Variants in LAMP2 observed in about 807,000 individuals in gnomAD.
LAMP2 encodes lysosome-associated membrane glycoprotein 2.
A neutral mutation model predicts 25.6 loss-of-function variants in LAMP2; 4 were observed. The observed-to-expected ratio is 0.16, with a 90% CI of 0.08 to 0.36. The LOEUF (loss-of-function observed/expected upper bound fraction) is 0.36, where lower values mean the gene tolerates loss of function less well. LAMP2 is among the 10% of genes least tolerant of loss of function. The pLI, the probability that LAMP2 is intolerant of heterozygous loss-of-function variation, is 1.00. For missense variants in LAMP2, 272 were observed against 301.4 expected, an observed-to-expected ratio of 0.90 and a Z score of 0.72; for synonymous variants, 108 against 112.7, an observed-to-expected ratio of 0.96 and a Z score of 0.27.
intron 1 of LAMP2, 138 bp from the exon 2 acceptor site, chrX:120,456,907 CATAT>C (rs1921119885): frequency 2.7e-6 from 1 of 370,004 alleles, no homozygotes; most frequent in African/African-American, 2.6e-5. Context: ...TATACACATA[CATAT>C]ATATACATAT....
chrX:120,436,721 A>T, intron 8 of LAMP2: 9 of 732,684 alleles, frequency 1.2e-5, no homozygotes, highest in Non-Finnish European at 1.3e-5. Flanking sequence ...AATACAAATA[A>T]AACTACAAAA....
At chrX:120,441,939 A>G (rs1362385650) in intron 7 of LAMP2, 45 bp from the exon 8 acceptor site, 2 of 1,141,150 alleles carry the variant, frequency 1.8e-6, no homozygotes, top group Non-Finnish European at 2.4e-6. Flanking sequence ...TCCTATCAAC[A>G]TCAAAAATGG....
rs1057515743 is a variant in LAMP2 at position 120,430,631 on chromosome X, C to T, written c.*692G>A. On this transcript the variant is annotated 3_prime_UTR_variant, in exon 9 of 9. Coordinates refer to ENST00000200639, the MANE Select transcript of LAMP2 (RefSeq NM_002294.3). ...GAAAAACAAACAATTATCTTAAAAA[C>T]TCTAATTACGAAGCCAGTTTAAGTT... The T allele has an allele frequency of 1.3e-6, 1 of 752,664 alleles. No individual in the cohort carries two copies. The highest frequency in any genetic ancestry group is 1.6e-6 in the Non-Finnish European group (1 of 637,783). The allele number at this position is 752,664 out of a possible 1,213,427, so 62.0% of individuals were successfully genotyped here.
intron 8 of LAMP2, chrX:120,437,165 T>C: frequency 1.3e-6 from 1 of 751,352 alleles, no homozygotes; most frequent in Non-Finnish European, 1.6e-6. Context: ...GTCAGGAATC[T>C]GATCTTGAGC....
chrX:120,430,094 A>G lies in LAMP2; in HGVS notation c.*1229T>C. 1 of 753,547 alleles carries G rather than the reference A, an allele frequency of 1.3e-6. No individual in the cohort carries two copies. The highest frequency in any genetic ancestry group is 6.7e-5 in the South Asian group (1 of 14,855). The allele number at this position is 753,547 out of a possible 1,213,427, so 62.1% of individuals were successfully genotyped here. The stretch of plus-strand genomic sequence containing the variant: ...GGGTAACAAGATACACTGTATTGTT[A>G]ATCAGGAAGTTATAGAGACTCTGAT... On this transcript the variant is annotated 3_prime_UTR_variant, in exon 9 of 9. Coordinates refer to ENST00000200639, the MANE Select transcript of LAMP2 (RefSeq NM_002294.3).
At chrX:120,431,494 A>T (rs1380856147) in intron 8 of LAMP2, 32 bp from the exon 9 acceptor site, 1 of 1,109,213 alleles carries the variant, frequency 9.0e-7, no homozygotes, top group Non-Finnish European at 1.2e-6. Context: ...TTGAGAACAG[A>T]AACAGTGACA....
chrX:120,430,048 A>G lies in LAMP2; in HGVS notation c.*1275T>C. 1 of 753,183 alleles carries G rather than the reference A, an allele frequency of 1.3e-6. No homozygotes were observed. Among genetic ancestry groups the G allele is most frequent in the Non-Finnish European group, 1.6e-6 (1 of 638,075 alleles). The allele number at this position is 753,183 out of a possible 1,213,427, so 62.1% of individuals were successfully genotyped here. A position where few individuals can be genotyped will look rare whatever the true frequency, so the allele number is the denominator to read the frequency against. ...AAAGAATTTACTATATTTTACTGAA[A>G]GCTCTCAAAGACTGACAGCTGGGTA... On this transcript the variant is annotated 3_prime_UTR_variant, in exon 9 of 9. Transcript: ENST00000200639.
chrX:120,432,486 T>A (rs1262445927), intron 8 of LAMP2, among the ~76,000 whole-genome samples: 1 of 111,141 alleles, frequency 9.0e-6, no homozygotes, highest in Non-Finnish European at 1.9e-5. Context: ...GTAGGACATA[T>A]CTTTATCACT....
intron 8 of LAMP2, chrX:120,437,586 T>A: frequency 2.7e-6 from 2 of 751,788 alleles, no homozygotes; most frequent in Non-Finnish European, 3.1e-6. Context: ...TGCTTTCTCC[T>A]ATAAACATTA....
intron 5 of LAMP2, 127 bp from the exon 6 acceptor site, chrX:120,446,554 T>G (rs896758578): frequency 1.4e-5 from 10 of 703,058 alleles, no homozygotes; most frequent in Non-Finnish European, 2.2e-5. Context: ...ATACTTAAAA[T>G]TCATGGTGTC....
chrX:120,468,960 G>T, intron 1 of LAMP2, 146 bp downstream of exon 1: 1 of 627,113 alleles, frequency 1.6e-6, no homozygotes, highest in Non-Finnish European at 2.7e-6. Flanking sequence ...GTCACCGCTT[G>T]CCTCCCCGGG....
rs771157957 is a variant in LAMP2 at position 120,455,548 on chromosome X, T to C, written c.206A>G (p.His69Arg). ...GCTTCCATTATATGTCACAGTGCCA[T>C]GGTCTGAAATGGTTACAGTTTTCTA... Reference protein sequence around the residue: ...KTYKTVTISDHGTVTYNGSIC... With the variant: ...KTYKTVTISDRGTVTYNGSIC... The change falls in exon 3 of 9, where the codon CAT becomes CGT. Residue 69 changes from histidine (H) to arginine (R), a missense_variant. Coordinates refer to ENST00000200639, the MANE Select transcript of LAMP2 (RefSeq NM_002294.3). 1 of 1,205,661 alleles carries C rather than the reference T, an allele frequency of 8.3e-7. No individual in the cohort carries two copies. Among genetic ancestry groups the C allele is most frequent in the Non-Finnish European group, 1.1e-6 (1 of 890,430 alleles).
intron 1 of LAMP2, among the ~76,000 whole-genome samples, chrX:120,467,205 T>A (rs1050770553): frequency 9.1e-6 from 1 of 109,619 alleles, no homozygotes; most frequent in Non-Finnish European, 1.9e-5. Flanking sequence ...CATGAAAAGG[T>A]CCTCGAGAGT....
intron 8 of LAMP2, chrX:120,439,103 A>AACTTGT (rs764345579): frequency 7.5e-6 from 9 of 1,204,765 alleles, no homozygotes; most frequent in Non-Finnish European, 1.0e-5. Flanking sequence ...TGCATGTTGG[A>AACTTGT]ACTTGTACTT....
intron 8 of LAMP2, chrX:120,437,660 G>T: frequency 1.3e-6 from 1 of 749,677 alleles, no homozygotes; most frequent in Non-Finnish European, 1.6e-6. Flanking sequence ...CACAAAGCAC[G>T]TGAATTAAAA....
intron 5 of LAMP2, among the ~76,000 whole-genome samples, chrX:120,446,905 G>A (rs929605913): frequency 2.7e-5 from 3 of 111,963 alleles, no homozygotes; most frequent in Non-Finnish European, 5.6e-5. Flanking sequence ...AAGTGTGAAG[G>A]AGTTATATTT....
chrX:120,436,906 T>G, intron 8 of LAMP2: 1 of 744,620 alleles, frequency 1.3e-6, no homozygotes, highest in Non-Finnish European at 1.6e-6. Context: ...TTTAGAAATA[T>G]TAACAGCATT....
intron 1 of LAMP2, 102 bp downstream of exon 1, chrX:120,469,004 C>T (rs1921653906): frequency 1.1e-6 from 1 of 950,381 alleles, no homozygotes; most frequent in Non-Finnish European, 1.5e-6. Flanking sequence ...GCTGCTGAGC[C>T]TCTCAACCCC....
intron 1 of LAMP2, among the ~76,000 whole-genome samples, chrX:120,459,613 G>A (rs1298183282): frequency 8.9e-6 from 1 of 112,547 alleles, no homozygotes; most frequent in Non-Finnish European, 1.9e-5. Flanking sequence ...ATATAGCCAG[G>A]AGCACCAGAA....
Sources: gnomAD v4.1 joint callset for allele counts (sites outside exome capture counted in the v4.1 genomes callset) on GRCh38, gnomAD v4.1.1 for gene constraint, MANE v1.5 for transcripts, NCBI Gene and HGNC (gene_info 2026-07-23, HGNC 2026-07-21) for gene names.